The following COL7A1 variants were observed in gnomAD, a reference collection of about 807,000 sequenced individuals.
COL7A1 encodes the protein collagen type VII alpha 1 chain, also known as collagen alpha-1(VII) chain.
Under a neutral mutation model 456.2 loss-of-function variants are expected in COL7A1, and 296 were observed. That is an observed-to-expected ratio of 0.65 (90% CI 0.59 to 0.71). The LOEUF is 0.71. Among genes scored for constraint, COL7A1 ranks in the 30% least tolerant of loss-of-function variants. The probability of loss-of-function intolerance (pLI) is 0.00; values close to 1 mark genes in which losing one functional copy is unlikely to be tolerated. For synonymous variants in COL7A1, 1,464 were observed against 1,525.9 expected, an observed-to-expected ratio of 0.96 and a Z score of 0.95; for missense variants, 3,441 against 4,017.2, an observed-to-expected ratio of 0.86 and a Z score of 3.88.
chr3:48,591,863 G>T lies in COL7A1; in HGVS notation c.1357+35C>A. On this transcript the variant is annotated intron_variant, in intron 11 of 118. Coordinates refer to ENST00000681320, the MANE Select transcript of COL7A1 (RefSeq NM_000094.4). The surrounding 1 kb of genome is among the most constrained non-coding windows in gnomAD (Gnocchi z 7.0). ...GTCAGACCAGCAGAGGCCATGCCCT[G>T]ACCCTTGCCTGTCCATCCCTTCCCC... 6.2e-7 allele frequency: 1 copy of T among 1,614,186 alleles called. No individual in the cohort carries two copies. Among genetic ancestry groups the T allele is most frequent in the South Asian group, 1.1e-5 (1 of 91,082 alleles).
rs2107726116 is a variant in COL7A1, at chr3:48,583,407, CTCCAGGAGGTCCCCGTGGG to C, written c.4404_4422del (p.Pro1469LeufsTer235). 6.2e-7 allele frequency: 1 copy of C among 1,614,138 alleles called. No homozygotes were observed. Among genetic ancestry groups the C allele is most frequent in the Non-Finnish European group, 8.5e-7 (1 of 1,180,002 alleles). On this transcript the variant is annotated frameshift_variant and splice_region_variant, in exon 42 of 119. Coordinates refer to ENST00000681320, the MANE Select transcript of COL7A1 (RefSeq NM_000094.4). LOFTEE classifies it high-confidence loss of function. The surrounding 1 kb of genome is among the most constrained non-coding windows in gnomAD (Gnocchi z 5.1). Reference sequence around the variant, plus strand: ...CTGGTACTCACTTTGGGGCCAATAGCTCCAGGAGGTCCCCGTGGGCCCTGGAAGGGATGAATTTGGGGGT... The same window carrying C: ...CTGGTACTCACTTTGGGGCCAATAGCCCCTGGAAGGGATGAATTTGGGGGT...
rs1427315720 is a variant in COL7A1 at position 48,574,191 on chromosome 3, A to G, written c.6501+71T>C. ...CACAAACACACACACACAGACATGC[A>G]CACACACAGCAGCAGCAGCACCTAG... On this transcript the variant is annotated intron_variant, in intron 80 of 118. Transcript: ENST00000681320. This position sits in a 1 kb window ranked among gnomAD's most constrained non-coding sequence, Gnocchi z 5.0. 3 of 1,570,296 alleles carry G rather than the reference A, an allele frequency of 1.9e-6. No homozygotes were observed. The highest frequency in any genetic ancestry group is 2.6e-6 in the Non-Finnish European group (3 of 1,142,526).
Position 48,580,617 on chromosome 3 carries a change from CT to C in COL7A1, c.5015del (p.Lys1672ArgfsTer38), listed in dbSNP as rs1064793499. 2 of 1,613,832 alleles carry C rather than the reference CT, an allele frequency of 1.2e-6. No individual in the cohort carries two copies. The highest frequency in any genetic ancestry group is 1.7e-6 in the Non-Finnish European group (2 of 1,179,972). On this transcript the variant is annotated frameshift_variant, in exon 55 of 119. Transcript: ENST00000681320. LOFTEE classifies it high-confidence loss of function. This position sits in a 1 kb window ranked among gnomAD's most constrained non-coding sequence, Gnocchi z 4.5. ...APGVRGPVGE[K>X]GDQGDPGEDG... ...CCTCTCCAGGATCTCCCTGGTCTCC[CT>C]TTTCACCCACAGGCCCCCGAACTCC...
Position 48,570,849 on chromosome 3 carries a change from C to A in COL7A1, c.7272+12G>T. On this transcript the variant is annotated intron_variant, in intron 95 of 118. Coordinates refer to ENST00000681320, the MANE Select transcript of COL7A1 (RefSeq NM_000094.4). The surrounding 1 kb of genome is among the most constrained non-coding windows in gnomAD (Gnocchi z 5.5). ...TTCACCATGCCCCTACATGCTGTTC[C>A]CAGCCCCTCACCCGCTCTCCACTAG... is the stretch of plus-strand genomic sequence containing the variant. 1 of 1,603,534 alleles carries A rather than the reference C, an allele frequency of 6.2e-7. No homozygotes were observed.
At position 48,567,357 on chromosome 3, in the gene COL7A1, C is replaced by T; in HGVS notation, c.8047-167G>A. ...CATGACTCCAACTCCACTATAGCCC[C>T]CTGCCCTGATGCACATGCCCCCTCC... is the stretch of plus-strand genomic sequence containing the variant. On this transcript the variant is annotated intron_variant, in intron 109 of 118. Transcript: ENST00000681320. The surrounding 1 kb of genome is among the most constrained non-coding windows in gnomAD (Gnocchi z 4.3). The T allele has an allele frequency of 1.0e-6, 1 of 976,220 alleles. No individual in the cohort carries two copies. The allele number at this position is 976,220 out of a possible 1,614,324, so 60.5% of individuals were successfully genotyped here. A position where few individuals can be genotyped will look rare whatever the true frequency, so the allele number is the denominator to read the frequency against.
Position 48,591,679 on chromosome 3 carries a change from G to A in COL7A1, c.1501C>T (p.Pro501Ser), listed in dbSNP as rs1249839571. The stretch of plus-strand genomic sequence containing the variant: ...CAGCCCACAGAGCCCTCACCAGTGG[G>A]AACCACGGTTGCAGGGGTGGCCACC... ...HEVATPATVV[P>S]TGPELPVSPV... The change falls in exon 12 of 119, where the codon CCC (proline) becomes TCC (serine). Residue 501 changes from proline (P) to serine (S), a missense_variant. Physicochemically the swap from Pro to Ser is moderately conservative, Grantham distance 74. Transcript: ENST00000681320. This position sits in a 1 kb window ranked among gnomAD's most constrained non-coding sequence, Gnocchi z 7.0. 3 of 1,614,064 alleles carry A rather than the reference G, an allele frequency of 1.9e-6. No individual in the cohort carries two copies.
Position 48,578,210 on chromosome 3 carries a change from C to T in COL7A1, c.5532+111G>A, listed in dbSNP as rs932128825. The T allele has an allele frequency of 4.8e-6, 6 of 1,244,798 alleles. No homozygotes were observed. The African/African-American group carries it at 8.9e-5, about 18-fold the overall frequency. 77.1% of individuals were successfully genotyped at this position (1,244,798 alleles called of 1,614,324 possible). A position where few individuals can be genotyped will look rare whatever the true frequency, so the allele number is the denominator to read the frequency against. ...TCTGGATGCATCTGTATGTCTGGGC[C>T]AGGATGCATGTGTCTACACGTGTGC... On this transcript the variant is annotated intron_variant, in intron 65 of 118. Transcript: ENST00000681320. The surrounding 1 kb of genome is among the most constrained non-coding windows in gnomAD (Gnocchi z 4.7).
rs1158768165 is a variant in COL7A1 at position 48,588,602 on chromosome 3, C to T, written c.2587+40G>A. The T allele has an allele frequency of 1.1e-5, 18 of 1,613,582 alleles. No homozygotes were observed. The highest frequency in any genetic ancestry group is 1.5e-5 in the Non-Finnish European group (18 of 1,180,024). On this transcript the variant is annotated intron_variant, in intron 20 of 118. Transcript: ENST00000681320. The surrounding 1 kb of genome is among the most constrained non-coding windows in gnomAD (Gnocchi z 4.6). ...CAAGCCCGGATCCCCAAACCATCCA[C>T]ACCACCCATCCGAAGCTCTCCAGCG...
At position 48,581,752 on chromosome 3, in the gene COL7A1, A is replaced by T; in HGVS notation, c.4676T>A (p.Val1559Glu). 1.2e-6 allele frequency: 2 copies of T among 1,614,026 alleles called. No homozygotes were observed. The highest frequency in any genetic ancestry group is 1.7e-6 in the Non-Finnish European group (2 of 1,179,996). ...VAGPKGEKGD[V>E]GPAGPRGATG... Reference sequence around the variant, plus strand: ...AGCTCCTCTGGGCCCAGCGGGCCCCACATCTCCCTGGAGGTGACAAAGACC... The same window carrying T: ...AGCTCCTCTGGGCCCAGCGGGCCCCTCATCTCCCTGGAGGTGACAAAGACC... The change falls in exon 49 of 119, where the codon GTG becomes GAG. Residue 1559 changes from valine (V) to glutamate (E), a missense_variant. Around this residue, in one of 3 missense-constraint regions of COL7A1, gnomAD observed 2,084 missense variants for 2,501.3 expected, o/e 0.83. Coordinates refer to ENST00000681320, the MANE Select transcript of COL7A1 (RefSeq NM_000094.4). This position sits in a 1 kb window ranked among gnomAD's most constrained non-coding sequence, Gnocchi z 5.8.
Position 48,573,507 on chromosome 3 carries a change from A to G in COL7A1, c.6618+6T>C. The G allele has an allele frequency of 1.9e-6, 3 of 1,613,810 alleles. No individual in the cohort carries two copies. Among genetic ancestry groups the G allele is most frequent in the Non-Finnish European group, 2.5e-6 (3 of 1,179,936 alleles). On this transcript the variant is annotated splice_donor_region_variant and intron_variant, in intron 83 of 118. Coordinates refer to ENST00000681320, the MANE Select transcript of COL7A1 (RefSeq NM_000094.4). This position sits in a 1 kb window ranked among gnomAD's most constrained non-coding sequence, Gnocchi z 5.5. ...CTCCTCCTCCTATCCACACACCTAG[A>G]CTCACCTTCAGGCCAGAAGGTCCTT...
chr3:48,592,574 C>A lies in COL7A1; in HGVS notation c.972G>T (p.Arg324=), dbSNP rs147924718. The change falls in exon 8 of 119, where the codon CGG becomes CGT. Residue 324 remains arginine, a synonymous_variant. Coordinates refer to ENST00000681320, the MANE Select transcript of COL7A1 (RefSeq NM_000094.4). This position sits in a 1 kb window ranked among gnomAD's most constrained non-coding sequence, Gnocchi z 7.6. ...GAGGCTGGCAGAATTGCTCACTGGT[C>A]CGAGCTGTCCCGCTCACAGCCTCCC... ...SIGEAVSGTA[R]TTALEGPELT... The A allele has an allele frequency of 3.1e-6, 5 of 1,613,766 alleles. No individual in the cohort carries two copies. The African/African-American group carries it at 5.3e-5, about 17-fold the overall frequency.
Position 48,568,040 on chromosome 3 carries a change from A to G in COL7A1, c.7875+50T>C. 6.2e-7 allele frequency: 1 copy of G among 1,611,870 alleles called. No homozygotes were observed. The highest frequency in any genetic ancestry group is 8.5e-7 in the Non-Finnish European group (1 of 1,177,928). On this transcript the variant is annotated intron_variant, in intron 106 of 118. Coordinates refer to ENST00000681320, the MANE Select transcript of COL7A1 (RefSeq NM_000094.4). The surrounding 1 kb of genome is among the most constrained non-coding windows in gnomAD (Gnocchi z 5.2). ...TCTGACCCCAGGTCCCTCGCCCTTC[A>G]ACATTAGGCCTTCCTGACCAGAAAA...
chr3:48,576,316 C>T lies in COL7A1; in HGVS notation c.5773-20G>A. 6.2e-7 allele frequency: 1 copy of T among 1,613,896 alleles called. No homozygotes were observed. Reference sequence around the variant, plus strand: ...GAGGCCCTGGAGAGATGAAGACAAACTGCTAGGAACCAGCCTATGGGTGTG... The same window carrying T: ...GAGGCCCTGGAGAGATGAAGACAAATTGCTAGGAACCAGCCTATGGGTGTG... On this transcript the variant is annotated intron_variant, in intron 70 of 118. Coordinates refer to ENST00000681320, the MANE Select transcript of COL7A1 (RefSeq NM_000094.4).
At position 48,585,579 on chromosome 3, in the gene COL7A1, C is replaced by T. The variant is rs748019757; in HGVS notation, c.3872G>A (p.Ser1291Asn). Residue 1291 changes from serine to asparagine, a missense_variant, in exon 32 of 119, where the codon AGT (serine) becomes AAT (asparagine). Ser to Asn is a conservative substitution (Grantham distance 46, BLOSUM62 1). This residue lies in a region of COL7A1 where 2,084 missense variants were observed against 2,501.3 expected (regional missense o/e 0.83). Transcript: ENST00000681320. The surrounding 1 kb of genome is among the most constrained non-coding windows in gnomAD (Gnocchi z 4.5). The stretch of plus-strand genomic sequence containing the variant: ...CACCCTCTCGCCCTTGGCAGTGGCA[C>T]TTCCAGGGGGCCCCTGGGGGCCGGG... ...GAPGPQGPPG[S>N]ATAKGERGFP... 1.1e-5 allele frequency: 17 copies of T among 1,613,858 alleles called. No individual in the cohort carries two copies. Among genetic ancestry groups the T allele is most frequent in the Middle Eastern group, 3.3e-4 (2 of 6,078 alleles).
chr3:48,575,482 G>A lies in COL7A1; in HGVS notation c.6037C>T (p.Pro2013Ser). 1 of 1,612,188 alleles carries A rather than the reference G, an allele frequency of 6.2e-7. No individual in the cohort carries two copies. ...AGGGCCAGACCAGGTGGCCCCTGAG[G>A]GCCAGGGTCTCCACGGTCGCCCTTC... Reference protein sequence around the residue: ...GLKGDRGDPGPQGPPGLALGE... With the variant: ...GLKGDRGDPGSQGPPGLALGE... Residue 2013 changes from proline to serine, a missense_variant, in exon 74 of 119, where the codon CCT becomes TCT. By Grantham distance (74) the Pro-to-Ser change is moderately conservative (BLOSUM62 -1). This residue lies in a region of COL7A1 where 2,084 missense variants were observed against 2,501.3 expected (regional missense o/e 0.83). Coordinates refer to ENST00000681320, the MANE Select transcript of COL7A1 (RefSeq NM_000094.4). The surrounding 1 kb of genome is among the most constrained non-coding windows in gnomAD (Gnocchi z 6.3).
At position 48,565,614 on chromosome 3, in the gene COL7A1, C is replaced by G; in HGVS notation, c.8440+22G>C. ...GGCAGGGCCTGGGGTGAAGAAAGTT[C>G]TGGGAGTAGAAAACTACTCACGTGA... On this transcript the variant is annotated intron_variant, in intron 115 of 118. Coordinates refer to ENST00000681320, the MANE Select transcript of COL7A1 (RefSeq NM_000094.4). This position sits in a 1 kb window ranked among gnomAD's most constrained non-coding sequence, Gnocchi z 4.5. 2.5e-6 allele frequency: 4 copies of G among 1,614,072 alleles called. No homozygotes were observed. The South Asian group carries it at 4.4e-5, about 18-fold the overall frequency.
rs1350471495 is a variant in COL7A1 at position 48,564,650 on chromosome 3, C to T, written c.8818+133G>A. The T allele has an allele frequency of 8.6e-6, 10 of 1,156,206 alleles. No homozygotes were observed. Among genetic ancestry groups the T allele is most frequent in the Non-Finnish European group, 1.2e-5 (10 of 814,710 alleles). 71.6% of individuals were successfully genotyped at this position (1,156,206 alleles called of 1,614,324 possible). On this transcript the variant is annotated intron_variant, in intron 118 of 118. Coordinates refer to ENST00000681320, the MANE Select transcript of COL7A1 (RefSeq NM_000094.4). The surrounding 1 kb of genome is among the most constrained non-coding windows in gnomAD (Gnocchi z 6.0). ...CAGCTCTTTGGTCTGGGCGTCTGCC[C>T]CAGGTCCCCTACTGCGAGGGAGCGT...
In COL7A1 at chr3:48,576,977, G is replaced by C. The variant is rs575815442; in HGVS notation, c.5568+15C>G. 9.1e-5 allele frequency: 147 copies of C among 1,614,030 alleles called. 2 individuals carry two copies. The South Asian group carries it at 1.5e-3, about 16-fold the overall frequency. On this transcript the variant is annotated intron_variant, in intron 66 of 118. Transcript: ENST00000681320. ...CCAAGCAGAGACCAGAGAGACCCCAGGTGGGGGACTTTACCTTCCTCCCGT... is the reference window on the plus strand; with the variant it reads ...CCAAGCAGAGACCAGAGAGACCCCACGTGGGGGACTTTACCTTCCTCCCGT...
rs1217333842 is a variant in COL7A1, at chr3:48,578,112, T to C, written c.5532+209A>G. ...CCGAGAGTCGAAGGTTGCAGTGAGC[T>C]GAGATTGTGCCACTGCACTCCAACC... On this transcript the variant is annotated intron_variant, in intron 65 of 118. Coordinates refer to ENST00000681320, the MANE Select transcript of COL7A1 (RefSeq NM_000094.4). The surrounding 1 kb of genome is among the most constrained non-coding windows in gnomAD (Gnocchi z 4.7). Among the ~76,000 whole-genome samples the C allele has an allele frequency of 1.3e-5, 2 of 151,756 alleles. No homozygotes were observed. The highest frequency in any genetic ancestry group is 6.6e-5 in the Admixed American group (1 of 15,244).
Sources: allele counts gnomAD v4.1 joint callset (sites outside exome capture counted in the v4.1 genomes callset), GRCh38; gene constraint gnomAD v4.1.1; regional missense constraint gnomAD v4.1.1; non-coding constraint Gnocchi (gnomAD v3.1); transcripts MANE v1.5; gene names NCBI Gene and HGNC (gene_info 2026-07-23, HGNC 2026-07-21).